GRIP1: variants seen among roughly 807,000 people sequenced by gnomAD.
The protein encoded by GRIP1 is glutamate receptor-interacting protein 1.
In GRIP1, 45 loss-of-function variants were observed where a neutral mutation model predicts 129.9. The ratio of observed to expected loss-of-function variants is 0.35; its 90% confidence interval spans 0.27 to 0.44. The LOEUF (loss-of-function observed/expected upper bound fraction) is 0.44. Among genes scored for constraint, GRIP1 ranks in the 20% least tolerant of loss-of-function variants. The pLI, the probability that GRIP1 is intolerant of heterozygous loss-of-function variation, is 1.00. For missense variants in GRIP1, 1,196 were observed against 1,396.8 expected (o/e 0.86, Z 2.29); for synonymous variants, 530 against 520.8 (o/e 1.02, Z -0.24).
At chr12:67,002,649 A>G (rs2042568079) in intron 1 of GRIP1, among the ~76,000 whole-genome samples, 2 of 152,310 alleles carry the variant, frequency 1.3e-5, no homozygotes, top group African/African-American at 4.8e-5. Flanking sequence ...ATGATTCAGG[A>G]CATCTATTTT....
chr12:67,012,530 A>T (rs1281398075), intron 1 of GRIP1, among the ~76,000 whole-genome samples: 2 of 152,198 alleles, frequency 1.3e-5, no homozygotes, highest in Non-Finnish European at 2.9e-5. Context: ...TAAGAGCAAC[A>T]GCATATTTAT....
intron 16 of GRIP1, among the ~76,000 whole-genome samples, chr12:66,402,550 T>A (rs896966635): frequency 6.6e-6 from 1 of 152,206 alleles, no homozygotes; most frequent in Admixed American, 6.5e-5. Flanking sequence ...CAGTACAAGC[T>A]AGCTTAGGAA....
At chr12:66,716,089 A>G (rs976329139) in intron 1 of GRIP1, among the ~76,000 whole-genome samples, 1 of 152,020 alleles carries the variant, frequency 6.6e-6, no homozygotes, top group Admixed American at 6.6e-5. Flanking sequence ...TCTGAGGTCA[A>G]TTCCCCTTAA....
intron 1 of GRIP1, among the ~76,000 whole-genome samples, chr12:66,954,074 G>A (rs1009151662): frequency 6.6e-6 from 1 of 152,056 alleles, no homozygotes; most frequent in African/African-American, 2.4e-5. Context: ...TCTCCTACTG[G>A]GTTTCAAGGC....
At chr12:66,732,823 G>A (rs777948750) in intron 1 of GRIP1, among the ~76,000 whole-genome samples, 15 of 152,140 alleles carry the variant, frequency 9.9e-5, no homozygotes, top group Admixed American at 2.6e-4. Context: ...TATGCAAGAG[G>A]TCAGTGCCCC....
intron 1 of GRIP1, among the ~76,000 whole-genome samples, chr12:66,813,021 A>G (rs570598237): frequency 1.3e-5 from 2 of 150,994 alleles, no homozygotes; most frequent in South Asian, 4.1e-4. Context: ...GAGCTATATT[A>G]TAGATGAGGA....
chr12:66,555,086 C>T (rs533506778), intron 2 of GRIP1, among the ~76,000 whole-genome samples: 3 of 152,236 alleles, frequency 2.0e-5, no homozygotes, highest in East Asian at 3.9e-4. Flanking sequence ...TTACAGCAGG[C>T]CTTAGGTGAG....
rs560806390 is a variant in GRIP1, at chr12:66,676,196, G to C, written c.55+2654C>G. Among the ~76,000 whole-genome samples, 53 of 152,248 alleles carry C rather than the reference G, an allele frequency of 3.5e-4. 1 individual carries two copies. The highest frequency in any genetic ancestry group is 6.8e-3 in the Middle Eastern group (2 of 294). ...GAATTCTAAGTGCAAAAATGTCAGT[G>C]TCTGGCACATAGTAGGTACTTAATC... is the stretch of plus-strand genomic sequence containing the variant. On this transcript the variant is annotated intron_variant, in intron 1 of 24. Coordinates refer to ENST00000359742, the MANE Select transcript of GRIP1 (RefSeq NM_001366722.1).
At chr12:66,853,245 T>C (rs910919090) in intron 1 of GRIP1, among the ~76,000 whole-genome samples, 1 of 151,866 alleles carries the variant, frequency 6.6e-6, no homozygotes, top group African/African-American at 2.4e-5. Flanking sequence ...GATGCTCCAA[T>C]AGTTCCTTAA....
chr12:66,445,584 A>C, intron 11 of GRIP1, 76 bp from the exon 12 acceptor site: 192 of 1,015,346 alleles, frequency 1.9e-4, no homozygotes, highest in Non-Finnish European at 2.5e-4. Context: ...AAAATAGATC[A>C]TGTCTCTGCA....
At chr12:66,489,586 A>G (rs564461767) in intron 7 of GRIP1, among the ~76,000 whole-genome samples, 1 of 152,308 alleles carries the variant, frequency 6.6e-6, no homozygotes, top group South Asian at 2.1e-4. Context: ...TACCACTCCT[A>G]TTCAACATAG....
upstream of GRIP1, among the ~76,000 whole-genome samples, chr12:66,679,437 C>T (rs976790887): frequency 8.6e-5 from 4 of 46,394 alleles, no homozygotes; most frequent in African/African-American, 4.6e-4. Flanking sequence ...GTTCTTTAAA[C>T]AACAACCAAA....
intron 1 of GRIP1, among the ~76,000 whole-genome samples, chr12:66,903,959 C>G (rs1708727814): frequency 6.6e-6 from 1 of 152,336 alleles, no homozygotes; most frequent in Non-Finnish European, 1.5e-5. Context: ...TCCCTAGACA[C>G]AGCAGTGCAG....
At chr12:66,891,729 C>A (rs1390532410) in intron 1 of GRIP1, 1 of 152,166 alleles carries the variant, frequency 6.6e-6, no homozygotes. Context: ...CCTTCCTTCT[C>A]TCTCATGGGA....
intron 1 of GRIP1, among the ~76,000 whole-genome samples, chr12:66,896,869 T>C (rs893428756): frequency 4.5e-4 from 69 of 152,342 alleles, no homozygotes; most frequent in Non-Finnish European, 6.9e-4. Flanking sequence ...TTCAAAAACA[T>C]TCCCATGATA....
chr12:66,524,830 A>C (rs2061163663), intron 5 of GRIP1, among the ~76,000 whole-genome samples: 1 of 152,248 alleles, frequency 6.6e-6, no homozygotes, highest in African/African-American at 2.4e-5. Context: ...AGATGCAATA[A>C]AAAATGATAA....
At chr12:66,972,985 A>G (rs144254737) in intron 1 of GRIP1, among the ~76,000 whole-genome samples, 127 of 152,320 alleles carry the variant, frequency 8.3e-4, no homozygotes, top group African/African-American at 2.9e-3. Flanking sequence ...GGCAGTATTA[A>G]TGATAGCCCT....
Position 66,546,876 on chromosome 12 carries a change from C to T in GRIP1, c.137-4926G>A, listed in dbSNP as rs554303260. ...GAAGGGTTTCTAGACTTGACATAAG[C>T]ATGATCCATAAAAGGAAAAAAAAAT... On this transcript the variant is annotated intron_variant, in intron 2 of 24. Coordinates refer to ENST00000359742, the MANE Select transcript of GRIP1 (RefSeq NM_001366722.1). Among the ~76,000 whole-genome samples, 6 of 151,404 alleles carry T rather than the reference C, an allele frequency of 4.0e-5. No individual in the cohort carries two copies. In the East Asian group the frequency reaches 1.2e-3, roughly 30 times the overall value.
chr12:66,874,261 A>C (rs918391849), intron 1 of GRIP1, among the ~76,000 whole-genome samples: 1 of 152,070 alleles, frequency 6.6e-6, no homozygotes, highest in East Asian at 1.9e-4. Flanking sequence ...TTATCCATCG[A>C]TTCTGCCCCA....
Sources: gnomAD v4.1 joint callset for allele counts (sites outside exome capture counted in the v4.1 genomes callset) on GRCh38, gnomAD v4.1.1 for gene constraint, MANE v1.5 for transcripts, NCBI Gene and HGNC (gene_info 2026-07-23, HGNC 2026-07-21) for gene names.